The following ANKRD30BL variants were observed in gnomAD, a reference collection of about 807,000 sequenced individuals.
The protein encoded by ANKRD30BL is ankyrin repeat domain 30B like.
ANKRD30BL carries 20 observed loss-of-function variants against 18.4 expected under a neutral mutation model. The ratio of observed to expected loss-of-function variants is 1.09; its 90% CI spans 0.77 to 1.58. The LOEUF is 1.58. Ranked by LOEUF, ANKRD30BL falls within the 40% of genes most tolerant of loss-of-function variation. The probability of loss-of-function intolerance (pLI) is 0.00; values close to 1 mark genes in which losing one functional copy is unlikely to be tolerated. For missense variants in ANKRD30BL, 224 were observed against 268.6 expected (o/e 0.83, Z 1.16); for synonymous variants, 72 against 100.9 (o/e 0.71, Z 1.72).
chr2:132,231,470 C>T (rs1680008403), intron 1 of ANKRD30BL, among the ~76,000 whole-genome samples: 1 of 152,212 alleles, frequency 6.6e-6, no homozygotes, highest in Admixed American at 6.5e-5. Flanking sequence ...GGGCGCAGGT[C>T]AGTGGGTGCA....
At chr2:132,164,437 C>G (rs1298291941), upstream of ANKRD30BL, among the ~76,000 whole-genome samples, 1 of 151,860 alleles carries the variant, frequency 6.6e-6, no homozygotes, top group Non-Finnish European at 1.5e-5. Context: ...ATTACAGGCA[C>G]CCGCCATCAT....
In ANKRD30BL at chr2:132,200,511, G is replaced by A. The variant is rs199835320; in HGVS notation, n.442-43365C>T. 8.3e-4 allele frequency among the ~76,000 whole-genome samples: 126 copies of A among 152,194 alleles called. 2 individuals carry two copies. In the East Asian group the frequency reaches 0.024, roughly 28 times the overall value. On this transcript the variant is annotated intron_variant and non_coding_transcript_variant, in intron 1 of 4. Coordinates refer to the ANKRD30BL transcript ENST00000470729. ...CTTATACACCAACAACAAACAAACA[G>A]AGAGCCAAATCATGAGTGAATTCCC...
At chr2:132,197,576 A>C (rs2104743620) in intron 1 of ANKRD30BL, among the ~76,000 whole-genome samples, 1 of 151,934 alleles carries the variant, frequency 6.6e-6, no homozygotes, top group Non-Finnish European at 1.5e-5. Flanking sequence ...CTTAGTAAAA[A>C]AAAATTGAAA....
At chr2:132,172,678 C>A (rs1688302039) in intron 1 of ANKRD30BL, among the ~76,000 whole-genome samples, 2 of 148,784 alleles carry the variant, frequency 1.3e-5, no homozygotes, top group Admixed American at 1.3e-4. Flanking sequence ...ATCTCCCATT[C>A]TTTGAGTTGT....
chr2:132,202,101 A>G (rs1270415223), intron 1 of ANKRD30BL, among the ~76,000 whole-genome samples: 1 of 151,990 alleles, frequency 6.6e-6, no homozygotes, highest in African/African-American at 2.4e-5. Context: ...ATGAGAACAC[A>G]TGGACACAGG....
upstream of ANKRD30BL, among the ~76,000 whole-genome samples, chr2:132,164,113 AACT>A (rs764263644): frequency 1.6e-4 from 25 of 152,122 alleles, no homozygotes; most frequent in Non-Finnish European, 3.4e-4. Context: ...CCGTTTGCTT[AACT>A]GTCTAGTTCC....
intron 1 of ANKRD30BL, among the ~76,000 whole-genome samples, chr2:132,253,473 G>A (rs1169280244): frequency 6.6e-6 from 1 of 152,132 alleles, no homozygotes; most frequent in Non-Finnish European, 1.5e-5. Flanking sequence ...CGACCACAGT[G>A]GGGGGCAAAC....
intron 1 of ANKRD30BL, among the ~76,000 whole-genome samples, chr2:132,253,851 C>T (rs144167122): frequency 2.0e-5 from 3 of 151,982 alleles, no homozygotes; most frequent in Admixed American, 6.5e-5. Flanking sequence ...GACCCCCTAG[C>T]GGGAAGGCTG....
At chr2:132,206,952 G>T (rs1186603731) in intron 1 of ANKRD30BL, among the ~76,000 whole-genome samples, 2 of 152,304 alleles carry the variant, frequency 1.3e-5, no homozygotes, top group African/African-American at 4.8e-5. Flanking sequence ...ATCCTCACAT[G>T]GCCATCTCCT....
At chr2:132,176,335 C>T (rs7566960) in intron 1 of ANKRD30BL, among the ~76,000 whole-genome samples, 10,319 of 152,110 alleles carry the variant, frequency 0.068, 1,192 homozygotes, top group African/African-American at 0.23. Flanking sequence ...CAAGACCAGC[C>T]TGATCAACAT....
At chr2:132,253,590 C>G (rs2104811851) in intron 1 of ANKRD30BL, among the ~76,000 whole-genome samples, 1 of 152,270 alleles carries the variant, frequency 6.6e-6, no homozygotes, top group African/African-American at 2.4e-5. Flanking sequence ...GTAAAGCCCC[C>G]ACCGACATCA....
upstream of ANKRD30BL, among the ~76,000 whole-genome samples, chr2:132,163,836 A>G (rs1688137211): frequency 1.3e-5 from 2 of 152,130 alleles, no homozygotes; most frequent in African/African-American, 4.8e-5. Flanking sequence ...AGAATTGAAG[A>G]CTTGAGTGTT....
At chr2:132,176,069 A>T (rs1459236275) in intron 1 of ANKRD30BL, among the ~76,000 whole-genome samples, 2 of 152,236 alleles carry the variant, frequency 1.3e-5, no homozygotes, top group Non-Finnish European at 2.9e-5. Flanking sequence ...TAGCAACAGA[A>T]GAAAACTAAA....
intron 1 of ANKRD30BL, among the ~76,000 whole-genome samples, chr2:132,233,608 A>C (rs1680078594): frequency 6.6e-6 from 1 of 151,202 alleles, no homozygotes; most frequent in East Asian, 1.9e-4. Context: ...CATAATGGTA[A>C]AGGGATCAAT....
upstream of ANKRD30BL, among the ~76,000 whole-genome samples, chr2:132,162,618 C>T (rs549315487): frequency 4.6e-5 from 7 of 152,298 alleles, no homozygotes; most frequent in African/African-American, 7.2e-5. Flanking sequence ...GTGGCGCGGA[C>T]AGGTTCGGGG....
At chr2:132,201,342 A>G (rs1197259584) in intron 1 of ANKRD30BL, among the ~76,000 whole-genome samples, 1 of 151,786 alleles carries the variant, frequency 6.6e-6, no homozygotes. Context: ...AGAAACTACC[A>G]TCAGAGTGAA....
chr2:132,191,024 A>G (rs1466051325), intron 1 of ANKRD30BL, among the ~76,000 whole-genome samples: 1 of 152,190 alleles, frequency 6.6e-6, no homozygotes, highest in Non-Finnish European at 1.5e-5. Context: ...AAGTACAAAC[A>G]TATAAAGTTA....
intron 1 of ANKRD30BL, among the ~76,000 whole-genome samples, chr2:132,192,413 C>A (rs1678879008): frequency 6.6e-6 from 1 of 152,152 alleles, no homozygotes; most frequent in Non-Finnish European, 1.5e-5. Context: ...TCCTGGGATT[C>A]TGAAACAAAG....
intron 1 of ANKRD30BL, chr2:132,257,008 G>C (rs1018168736): frequency 1.9e-5 from 10 of 516,442 alleles, no homozygotes; most frequent in Admixed American, 1.6e-4. Context: ...ACACGGCCAC[G>C]GGATCCCACC....
Sources: allele counts gnomAD v4.1 joint callset (sites outside exome capture counted in the v4.1 genomes callset), GRCh38; gene constraint gnomAD v4.1.1; transcripts MANE v1.5; gene names NCBI Gene and HGNC (gene_info 2026-07-23, HGNC 2026-07-21).